The following KIF6 variants were observed in gnomAD, a reference collection of about 807,000 sequenced individuals.
KIF6 encodes kinesin-like protein KIF6.
A neutral mutation model predicts 112.7 loss-of-function variants in KIF6; 106 were observed. The observed-to-expected ratio is 0.94, with a 90% CI of 0.80 to 1.11. The LOEUF is 1.11. Ranked by LOEUF, KIF6 falls within the 50% of genes least tolerant of loss-of-function variation. KIF6 has a pLI of 0.00. For synonymous variants in KIF6, 339 were observed against 339.9 expected (o/e 1.00, Z 0.03); for missense variants, 929 against 964.0 (o/e 0.96, Z 0.48).
intron 19 of KIF6, among the ~76,000 whole-genome samples, chr6:39,347,291 C>T (rs11751122): frequency 0.043 from 6,546 of 152,290 alleles, 211 homozygotes; most frequent in Non-Finnish European, 0.06. Context: ...TAGGAACACA[C>T]GCTGGCCTAC....
chr6:39,664,149 T>C (rs999007069), intron 3 of KIF6, among the ~76,000 whole-genome samples: 1 of 152,008 alleles, frequency 6.6e-6, no homozygotes. Context: ...AAGGAGAGAA[T>C]CAAAGGATTG....
chr6:39,382,982 TGTTCCTGTC>T (rs1767093504), intron 16 of KIF6, among the ~76,000 whole-genome samples: 1 of 148,506 alleles, frequency 6.7e-6, no homozygotes, highest in African/African-American at 2.5e-5. Flanking sequence ...GAGAAGTGTC[TGTTCCTGTC>T]TTTGCCCACT....
chr6:39,609,322 C>G (rs1399031447), intron 6 of KIF6, among the ~76,000 whole-genome samples: 1 of 152,156 alleles, frequency 6.6e-6, no homozygotes, highest in Non-Finnish European at 1.5e-5. Context: ...GTGTTCCTTT[C>G]TCACCAAAGG....
At chr6:39,512,238 T>A (rs1244946207) in intron 13 of KIF6, among the ~76,000 whole-genome samples, 2 of 152,250 alleles carry the variant, frequency 1.3e-5, no homozygotes, top group Admixed American at 1.3e-4. Context: ...AATATTTTTT[T>A]AAACTATATT....
At chr6:39,400,484 G>A (rs901235106) in intron 15 of KIF6, among the ~76,000 whole-genome samples, 2 of 152,228 alleles carry the variant, frequency 1.3e-5, no homozygotes, top group African/African-American at 4.8e-5. Flanking sequence ...GGCCTTGTGG[G>A]CTCCAAAACA....
At chr6:39,677,103 G>A (rs181969050) in intron 3 of KIF6, among the ~76,000 whole-genome samples, 4 of 152,078 alleles carry the variant, frequency 2.6e-5, no homozygotes, top group African/African-American at 4.8e-5. Context: ...CTGAATGCTG[G>A]CCCAGATCCT....
chr6:39,658,239 C>T (rs1030027798), intron 3 of KIF6, among the ~76,000 whole-genome samples: 6 of 152,110 alleles, frequency 3.9e-5, no homozygotes, highest in South Asian at 2.1e-4. Context: ...AAGAACTATA[C>T]ACTAATATAA....
At chr6:39,367,427 G>C (rs75067701) in intron 16 of KIF6, among the ~76,000 whole-genome samples, 1 of 152,148 alleles carries the variant, frequency 6.6e-6, no homozygotes, top group Non-Finnish European at 1.5e-5. Flanking sequence ...TCACAGTGCC[G>C]AGTGGCCTGC....
At chr6:39,485,965 G>A (rs112477121) in intron 13 of KIF6, among the ~76,000 whole-genome samples, 3,137 of 152,254 alleles carry the variant, frequency 0.021, 51 homozygotes, top group Non-Finnish European at 0.029. Context: ...GAGAAACTAA[G>A]TAACTTGTCA....
At chr6:39,519,743 G>A (rs190816137) in intron 13 of KIF6, among the ~76,000 whole-genome samples, 10 of 87,804 alleles carry the variant, frequency 1.1e-4, no homozygotes, top group East Asian at 9.1e-4. Flanking sequence ...CAAGCCAGCC[G>A]GGCGCCGCGG....
chr6:39,662,650 G>A (rs1003360904), intron 3 of KIF6, among the ~76,000 whole-genome samples: 13 of 152,102 alleles, frequency 8.5e-5, no homozygotes, highest in African/African-American at 3.1e-4. Context: ...AAGGCAGAAG[G>A]ATTGCTTGAG....
At chr6:39,589,618 G>A (rs955945302) in intron 7 of KIF6, among the ~76,000 whole-genome samples, 5 of 152,190 alleles carry the variant, frequency 3.3e-5, no homozygotes, top group African/African-American at 4.8e-5. Context: ...ACAGCCCTAT[G>A]TGGGGTTTGG....
chr6:39,615,521 G>A (rs1783474070), intron 5 of KIF6, among the ~76,000 whole-genome samples: 1 of 113,330 alleles, frequency 8.8e-6, no homozygotes, highest in Non-Finnish European at 1.6e-5. Context: ...CCCATACACA[G>A]CACTGCTGCT....
At chr6:39,450,165 CAT>C (rs1265487882) in intron 13 of KIF6, among the ~76,000 whole-genome samples, 2 of 152,220 alleles carry the variant, frequency 1.3e-5, no homozygotes, top group Non-Finnish European at 2.9e-5. Context: ...GAAAGTGACA[CAT>C]GAGAATCTTT....
chr6:39,363,459 C>T (rs994392928), intron 16 of KIF6, among the ~76,000 whole-genome samples: 2 of 151,914 alleles, frequency 1.3e-5, no homozygotes, highest in African/African-American at 2.4e-5. Context: ...CTGCTGATGC[C>T]GACCTCTGTC....
At chr6:39,415,520 G>A (rs1318525977) in intron 15 of KIF6, among the ~76,000 whole-genome samples, 1 of 152,210 alleles carries the variant, frequency 6.6e-6, no homozygotes, top group East Asian at 1.9e-4. Context: ...GCTGAAGGCT[G>A]CTGTTACTGC....
chr6:39,337,209 TTCTTTCTTTCTTTCTTTC>T (rs1562102778), intron 22 of KIF6, among the ~76,000 whole-genome samples: 1 of 112,648 alleles, frequency 8.9e-6, no homozygotes, highest in African/African-American at 5.3e-5. Context: ...CTTTCTTTCT[TTCTTTCTTTCTTTCTTTC>T]TTTCTTTCTT....
intron 13 of KIF6, among the ~76,000 whole-genome samples, chr6:39,507,949 A>C (rs1055740089): frequency 4.2e-3 from 168 of 39,908 alleles, no homozygotes; most frequent in Middle Eastern, 0.025. Flanking sequence ...CCCTCCCCCC[A>C]CCCCTTCCCC....
intron 13 of KIF6, among the ~76,000 whole-genome samples, chr6:39,511,151 C>A (rs985114057): frequency 6.6e-6 from 1 of 152,072 alleles, no homozygotes; most frequent in Non-Finnish European, 1.5e-5. Flanking sequence ...TTAGACAGAT[C>A]AATGAGACAG....
Sources: allele counts gnomAD v4.1 joint callset (sites outside exome capture counted in the v4.1 genomes callset), GRCh38; gene constraint gnomAD v4.1.1; transcripts MANE v1.5; gene names NCBI Gene and HGNC (gene_info 2026-07-23, HGNC 2026-07-21).